The following GRM8 variants were observed in gnomAD, a reference collection of about 807,000 sequenced individuals.
GRM8 encodes glutamate metabotropic receptor 8, also known as metabotropic glutamate receptor 8.
A neutral mutation model predicts 87.2 loss-of-function variants in GRM8; 47 were observed. The observed-to-expected ratio is 0.54, with a 90% CI of 0.43 to 0.69. The LOEUF is 0.69. GRM8 is among the 30% of genes least tolerant of loss of function. GRM8 has a pLI of 0.00. For missense variants in GRM8, 1,019 were observed against 1,139.2 expected (o/e 0.89, Z 1.52); for synonymous variants, 396 against 404.5 (o/e 0.98, Z 0.25).
At chr7:126,772,587 T>G (rs1818963259) in intron 6 of GRM8, among the ~76,000 whole-genome samples, 1 of 152,140 alleles carries the variant, frequency 6.6e-6, no homozygotes, top group African/African-American at 2.4e-5. Context: ...TGCTCTTCCA[T>G]ACAGCAATCC....
intron 2 of GRM8, among the ~76,000 whole-genome samples, chr7:127,107,327 A>C (rs957615872): frequency 1.1e-4 from 17 of 152,232 alleles, no homozygotes; most frequent in Non-Finnish European, 2.2e-4. Flanking sequence ...TAGAAACATC[A>C]TTCTAACCCC....
intron 7 of GRM8, among the ~76,000 whole-genome samples, chr7:126,649,632 T>C (rs1803567524): frequency 6.6e-6 from 1 of 152,186 alleles, no homozygotes; most frequent in Non-Finnish European, 1.5e-5. Flanking sequence ...GAGACATTCC[T>C]TCTAAGGTGA....
intron 7 of GRM8, among the ~76,000 whole-genome samples, chr7:126,759,619 C>A (rs1474801755): frequency 1.3e-5 from 2 of 152,090 alleles, no homozygotes; most frequent in Non-Finnish European, 2.9e-5. Flanking sequence ...GCATCCTTTC[C>A]AACTCCTGCC....
chr7:126,871,256 T>G (rs1202626868), intron 6 of GRM8, among the ~76,000 whole-genome samples: 1 of 152,154 alleles, frequency 6.6e-6, no homozygotes, highest in Non-Finnish European at 1.5e-5. Flanking sequence ...GCCAAGCTGG[T>G]CACATTTTGA....
At chr7:126,929,503 G>A (rs1012525697) in intron 3 of GRM8, among the ~76,000 whole-genome samples, 8 of 152,076 alleles carry the variant, frequency 5.3e-5, no homozygotes, top group African/African-American at 1.9e-4. Flanking sequence ...GCGCGACCCC[G>A]GCTCACTGCA....
chr7:126,797,124 G>C (rs932110649), intron 6 of GRM8, among the ~76,000 whole-genome samples: 40 of 152,164 alleles, frequency 2.6e-4, no homozygotes, highest in African/African-American at 8.2e-4. Flanking sequence ...AAATGTGAAA[G>C]CTTCCTATCC....
intron 3 of GRM8, among the ~76,000 whole-genome samples, chr7:127,048,171 A>G (rs1281210098): frequency 1.3e-5 from 2 of 152,236 alleles, no homozygotes; most frequent in Non-Finnish European, 2.9e-5. Context: ...GGGGAGGGGA[A>G]AGAACTACAG....
intron 7 of GRM8, among the ~76,000 whole-genome samples, chr7:126,716,184 T>C (rs771354356): frequency 1.1e-4 from 17 of 152,312 alleles, no homozygotes; most frequent in Middle Eastern, 3.4e-3. Flanking sequence ...ACACTTTTTT[T>C]TCTCTCTCTA....
At chr7:126,636,074 A>G (rs1286638441) in intron 7 of GRM8, among the ~76,000 whole-genome samples, 1 of 152,172 alleles carries the variant, frequency 6.6e-6, no homozygotes, top group Non-Finnish European at 1.5e-5. Context: ...AATATTCTTT[A>G]GAATTTTTAT....
intron 7 of GRM8, among the ~76,000 whole-genome samples, chr7:126,681,450 C>A (rs1051206550): frequency 6.6e-6 from 1 of 152,232 alleles, no homozygotes; most frequent in Non-Finnish European, 1.5e-5. Flanking sequence ...TCCAAAGCTA[C>A]TGGCCACCTC....
chr7:126,442,458 G>A (rs1801576959), intron 10 of GRM8, among the ~76,000 whole-genome samples: 1 of 151,926 alleles, frequency 6.6e-6, no homozygotes, highest in Non-Finnish European at 1.5e-5. Context: ...AGACAAGGTG[G>A]AGAAAAATTG....
At chr7:127,062,923 C>G (rs1247345293) in intron 3 of GRM8, among the ~76,000 whole-genome samples, 4 of 152,118 alleles carry the variant, frequency 2.6e-5, no homozygotes, top group Non-Finnish European at 5.9e-5. Flanking sequence ...ATTACTCTAG[C>G]TAGTGGCCTA....
intron 3 of GRM8, among the ~76,000 whole-genome samples, chr7:126,925,969 T>C (rs1224525528): frequency 6.6e-6 from 1 of 152,162 alleles, no homozygotes; most frequent in Non-Finnish European, 1.5e-5. Context: ...TCATGGCAGG[T>C]TGAATGTATT....
At chr7:126,565,863 G>C (rs1390403471) in intron 8 of GRM8, among the ~76,000 whole-genome samples, 2 of 152,066 alleles carry the variant, frequency 1.3e-5, no homozygotes, top group African/African-American at 4.8e-5. Context: ...ACAGAATAGA[G>C]ACCCCAGAAA....
At position 126,776,734 on chromosome 7, in the gene GRM8, ATTAACT is replaced by A. The variant is rs199548035; in HGVS notation, c.1157-6675_1157-6670del. 7.2e-5 allele frequency among the ~76,000 whole-genome samples: 11 copies of A among 152,238 alleles called. No individual in the cohort carries two copies. In the East Asian group the frequency reaches 1.9e-3, roughly 27 times the overall value. ...CATTCTGGTTCTAACACCACAACCA[ATTAACT>A]TTGTGGCCTTGGGCAAAACATGATC... On this transcript the variant is annotated intron_variant, in intron 6 of 10. Transcript: ENST00000339582.
At chr7:127,070,952 A>G (rs948896078) in intron 3 of GRM8, among the ~76,000 whole-genome samples, 38 of 152,294 alleles carry the variant, frequency 2.5e-4, no homozygotes, top group African/African-American at 8.9e-4. Context: ...GAAACAGGCC[A>G]TTTCATCTTC....
intron 6 of GRM8, among the ~76,000 whole-genome samples, chr7:126,825,709 A>T (rs893619431): frequency 2.6e-5 from 4 of 152,178 alleles, no homozygotes; most frequent in African/African-American, 9.7e-5. Flanking sequence ...TAAAAAAAGG[A>T]AACTGAAACT....
chr7:127,215,380 C>A (rs1160684865), intron 2 of GRM8: 1 of 152,284 alleles, frequency 6.6e-6, no homozygotes, highest in African/African-American at 2.4e-5. Context: ...TCTAGTCCAT[C>A]TTTTCACTGA....
intron 2 of GRM8, among the ~76,000 whole-genome samples, chr7:127,177,564 C>T (rs997060536): frequency 6.6e-6 from 1 of 152,192 alleles, no homozygotes; most frequent in African/African-American, 2.4e-5. Flanking sequence ...GAGCATTAAA[C>T]CACCAAAGCT....
Sources: allele counts gnomAD v4.1 joint callset (sites outside exome capture counted in the v4.1 genomes callset), GRCh38; gene constraint gnomAD v4.1.1; transcripts MANE v1.5; gene names NCBI Gene and HGNC (gene_info 2026-07-23, HGNC 2026-07-21).